Variants in SMARCC1 observed in about 807,000 individuals in gnomAD.
SMARCC1 encodes SWI/SNF complex subunit SMARCC1.
A neutral mutation model predicts 147.4 loss-of-function variants in SMARCC1; 43 were observed. The observed-to-expected ratio is 0.29, with a 90% CI of 0.23 to 0.38. SMARCC1 has a LOEUF of 0.38. Among genes scored for constraint, SMARCC1 ranks in the 10% least tolerant of loss-of-function variants. The pLI, the probability that SMARCC1 is intolerant of heterozygous loss-of-function variation, is 1.00. For synonymous variants in SMARCC1, 495 were observed against 484.4 expected, an observed-to-expected ratio of 1.02 and a Z score of -0.29; for missense variants, 1,119 against 1,381.1, an observed-to-expected ratio of 0.81 and a Z score of 3.01.
chr3:47,610,151 C>T lies in SMARCC1; in HGVS notation c.2958G>A (p.Gly986=). Residue 986 remains glycine (G), a synonymous_variant, in exon 26 of 28, where the codon GGG becomes GGA. Transcript: ENST00000254480. Reference sequence around the variant, plus strand: ...GTTGATGAGGCATCATGCCAGGGTGCCCTGCTGCTCCAAGTGGGGCCAGGC... The same window carrying T: ...GTTGATGAGGCATCATGCCAGGGTGTCCTGCTGCTCCAAGTGGGGCCAGGC... ...GPGLAPLGAA[G]HPGMMPHQQP... is the part of the protein sequence containing the mutation. The T allele has an allele frequency of 6.2e-7, 1 of 1,613,950 alleles. No homozygotes were observed. The highest frequency in any genetic ancestry group is 8.5e-7 in the Non-Finnish European group (1 of 1,180,014).
At chr3:47,644,141 C>A (rs969800074) in intron 21 of SMARCC1, among the ~76,000 whole-genome samples, 2 of 152,186 alleles carry the variant, frequency 1.3e-5, no homozygotes, top group Admixed American at 1.3e-4. Flanking sequence ...ATGATCACCA[C>A]TGCACTCCAG....
intron 24 of SMARCC1, among the ~76,000 whole-genome samples, chr3:47,633,817 CAT>C (rs1357630424): frequency 1.0e-4 from 13 of 125,408 alleles, no homozygotes; most frequent in African/African-American, 3.8e-4. Context: ...CACACACACA[CAT>C]ATATATAAAA....
intron 2 of SMARCC1, among the ~76,000 whole-genome samples, chr3:47,759,213 A>AT (rs1048580226): frequency 1.3e-5 from 2 of 151,748 alleles, no homozygotes; most frequent in Non-Finnish European, 2.9e-5. Flanking sequence ...AGCTTTTGCC[A>AT]TGTTGTCCAG....
intron 21 of SMARCC1, among the ~76,000 whole-genome samples, chr3:47,648,409 C>CA (rs1224248736): frequency 1.3e-5 from 2 of 152,130 alleles, no homozygotes; most frequent in East Asian, 3.9e-4. Flanking sequence ...TTTTAAGAGA[C>CA]AGAGTCTTGT....
chr3:47,770,496 G>A lies in SMARCC1; in HGVS notation c.315+2321C>T, dbSNP rs919482545. 2.0e-5 allele frequency among the ~76,000 whole-genome samples: 3 copies of A among 151,886 alleles called. No individual in the cohort carries two copies. In the East Asian group the frequency reaches 5.8e-4, roughly 29 times the overall value. Reference sequence around the variant, plus strand: ...AAATTAACCAGGCATGGTGGCAGGTGCCTGAATTCCCAGCTACTCGGGAGG... The same window carrying A: ...AAATTAACCAGGCATGGTGGCAGGTACCTGAATTCCCAGCTACTCGGGAGG... On this transcript the variant is annotated intron_variant, in intron 2 of 27. Coordinates refer to ENST00000254480, the MANE Select transcript of SMARCC1 (RefSeq NM_003074.4).
intron 21 of SMARCC1, among the ~76,000 whole-genome samples, 157 bp downstream of exon 21, chr3:47,661,137 C>T (rs2033340304): frequency 6.6e-6 from 1 of 152,006 alleles, no homozygotes; most frequent in Admixed American, 6.6e-5. Context: ...CCAAAAGAAA[C>T]AGACAAGAGA....
intron 21 of SMARCC1, among the ~76,000 whole-genome samples, chr3:47,652,949 C>CTTTTTTT (rs55872948): frequency 1.5e-5 from 2 of 129,658 alleles, no homozygotes; most frequent in African/African-American, 5.7e-5. Context: ...GCTTTACTTT[C>CTTTTTTT]TTTTTTTTTT....
intron 10 of SMARCC1, among the ~76,000 whole-genome samples, chr3:47,702,415 C>T (rs2033934180): frequency 6.6e-6 from 1 of 152,068 alleles, no homozygotes; most frequent in Admixed American, 6.6e-5. Context: ...ATTGTAAGGA[C>T]TGAAGGTCAG....
chr3:47,763,570 G>A (rs898118326), intron 2 of SMARCC1, among the ~76,000 whole-genome samples: 2 of 151,730 alleles, frequency 1.3e-5, no homozygotes, highest in Admixed American at 6.6e-5. Flanking sequence ...TGAGCTCAGA[G>A]GACCCACTCA....
chr3:47,629,831 A>T (rs2032863153), intron 24 of SMARCC1, among the ~76,000 whole-genome samples: 1 of 152,100 alleles, frequency 6.6e-6, no homozygotes, highest in Non-Finnish European at 1.5e-5. Flanking sequence ...TCACTGCAAT[A>T]TCATGACAGA....
At chr3:47,756,462 G>A (rs1461860408) in intron 2 of SMARCC1, among the ~76,000 whole-genome samples, 1 of 149,886 alleles carries the variant, frequency 6.7e-6, no homozygotes, top group Admixed American at 6.7e-5. Flanking sequence ...GAACCCGGGA[G>A]GCGGAGGTTG....
intron 2 of SMARCC1, among the ~76,000 whole-genome samples, chr3:47,756,472 G>C (rs1369047525): frequency 6.9e-6 from 1 of 144,344 alleles, no homozygotes; most frequent in African/African-American, 2.6e-5. Flanking sequence ...GGCGGAGGTT[G>C]CAGTGAGCTG....
At chr3:47,762,410 T>C (rs1029581777) in intron 2 of SMARCC1, among the ~76,000 whole-genome samples, 1 of 152,214 alleles carries the variant, frequency 6.6e-6, no homozygotes, top group African/African-American at 2.4e-5. Flanking sequence ...TTGGTGAGAA[T>C]TCCTGCCATG....
At chr3:47,624,396 T>C (rs2106687935) in intron 24 of SMARCC1, among the ~76,000 whole-genome samples, 1 of 151,868 alleles carries the variant, frequency 6.6e-6, no homozygotes, top group Middle Eastern at 3.4e-3. Context: ...ACATAGAAAA[T>C]CCTACAAGCT....
At chr3:47,716,690 T>A (rs536183759) in intron 7 of SMARCC1, among the ~76,000 whole-genome samples, 9 of 152,354 alleles carry the variant, frequency 5.9e-5, no homozygotes, top group African/African-American at 1.9e-4. Context: ...AAGTTTCCAT[T>A]GAAGGGTTTC....
At chr3:47,780,168 G>GTTTTTTTTTTTTTTT (rs10662354) in intron 1 of SMARCC1, among the ~76,000 whole-genome samples, 2 of 61,892 alleles carry the variant, frequency 3.2e-5, no homozygotes, top group South Asian at 6.8e-4. Flanking sequence ...GTTTTTTTTT[G>GTTTTTTTTTTTTTTT]TTTTTTTTTT....
At chr3:47,749,670 A>AACACACACACACACACACACACAT in intron 2 of SMARCC1, among the ~76,000 whole-genome samples, 1 of 92,412 alleles carries the variant, frequency 1.1e-5, no homozygotes, top group East Asian at 3.4e-4. Flanking sequence ...CTCTAAATTA[A>AACACACACACACACACACACACAT]ACACACACAC....
At chr3:47,774,809 A>G (rs1435710752) in intron 1 of SMARCC1, among the ~76,000 whole-genome samples, 1 of 151,802 alleles carries the variant, frequency 6.6e-6, no homozygotes, top group Non-Finnish European at 1.5e-5. Flanking sequence ...GAAGGACCAT[A>G]TACTTTTTTT....
chr3:47,701,907 T>G lies in SMARCC1; in HGVS notation c.1041-505A>C, dbSNP rs1226983068. Among the ~76,000 whole-genome samples, 5 of 151,598 alleles carry G rather than the reference T, an allele frequency of 3.3e-5. No individual in the cohort carries two copies. The South Asian group carries it at 1.0e-3, about 32-fold the overall frequency. On this transcript the variant is annotated intron_variant, in intron 10 of 27. Coordinates refer to ENST00000254480, the MANE Select transcript of SMARCC1 (RefSeq NM_003074.4). ...ATCTAACCAGCCAATAAAAGAAAAA[T>G]AAAAGTTAACAGGCATAAAAAATGG... is the stretch of plus-strand genomic sequence containing the variant.
Sources: gnomAD v4.1 joint callset for allele counts (sites outside exome capture counted in the v4.1 genomes callset) on GRCh38, gnomAD v4.1.1 for gene constraint, MANE v1.5 for transcripts, NCBI Gene and HGNC (gene_info 2026-07-23, HGNC 2026-07-21) for gene names.